Variants in LCORL observed in about 807,000 individuals in gnomAD.
The protein encoded by LCORL is ligand dependent nuclear receptor corepressor like.
A neutral mutation model predicts 141.8 loss-of-function variants in LCORL; 41 were observed. The ratio of observed to expected loss-of-function variants is 0.29; its 90% CI spans 0.23 to 0.38. LCORL has a LOEUF of 0.38. Ranked by LOEUF, LCORL falls within the 10% of genes least tolerant of loss-of-function variation. The pLI, the probability that LCORL is intolerant of heterozygous loss-of-function variation, is 1.00. For missense variants in LCORL, 1,759 were observed against 2,035.0 expected, an observed-to-expected ratio of 0.86 and a Z score of 2.61; for synonymous variants, 618 against 694.1, an observed-to-expected ratio of 0.89 and a Z score of 1.72.
chr4:17,906,862 T>A (rs768099311), intron 5 of LCORL, among the ~76,000 whole-genome samples: 27 of 152,092 alleles, frequency 1.8e-4, no homozygotes, highest in Admixed American at 3.9e-4. Flanking sequence ...AATTTTTGTA[T>A]TTTTAGTAGA....
chr4:17,987,694 T>G (rs748164061), intron 1 of LCORL, among the ~76,000 whole-genome samples: 10 of 152,220 alleles, frequency 6.6e-5, no homozygotes, highest in Non-Finnish European at 8.8e-5. Context: ...ATTATAGCCA[T>G]TCTAGTGGAT....
chr4:17,939,829 G>A (rs879550288), intron 4 of LCORL, among the ~76,000 whole-genome samples: 37 of 149,838 alleles, frequency 2.5e-4, no homozygotes, highest in Non-Finnish European at 4.9e-4. Context: ...GCCAGGAGAG[G>A]GGATGAAATC....
intron 5 of LCORL, among the ~76,000 whole-genome samples, chr4:17,899,709 G>A (rs567680784): frequency 1.4e-4 from 22 of 152,188 alleles, no homozygotes; most frequent in African/African-American, 5.1e-4. Flanking sequence ...TCTCTTTGGG[G>A]AGAGAATACT....
intron 4 of LCORL, among the ~76,000 whole-genome samples, chr4:17,941,848 T>A (rs551450477): frequency 8.5e-6 from 1 of 118,150 alleles, no homozygotes; most frequent in African/African-American, 3.3e-5. Context: ...TTTCCCATGA[T>A]AGAATTTTTT....
intron 4 of LCORL, chr4:17,911,794 A>G (rs1237946589): frequency 4.0e-5 from 18 of 452,556 alleles, no homozygotes; most frequent in Non-Finnish European, 5.1e-5. Context: ...AGGTGCCGGG[A>G]GCTCTGGTTC....
At chr4:17,890,230 C>T (rs556554254) in intron 5 of LCORL, among the ~76,000 whole-genome samples, 1 of 152,218 alleles carries the variant, frequency 6.6e-6, no homozygotes, top group South Asian at 2.1e-4. Flanking sequence ...TTATTTCCCA[C>T]ATCCTTGATA....
exon 7 of LCORL, chr4:17,876,567 T>C: frequency 9.7e-6 from 12 of 1,230,914 alleles, no homozygotes; most frequent in Non-Finnish European, 1.1e-5. Context: ...CACTGGATCG[T>C]TTTTTGTTGT....
chr4:17,943,085 C>T (rs1031667283), intron 4 of LCORL, among the ~76,000 whole-genome samples: 1 of 152,140 alleles, frequency 6.6e-6, no homozygotes, highest in African/African-American at 2.4e-5. Flanking sequence ...GAAACCTGTC[C>T]CTGGTGCCAA....
intron 4 of LCORL, among the ~76,000 whole-genome samples, chr4:17,960,522 G>C (rs1462028774): frequency 6.6e-6 from 1 of 152,088 alleles, no homozygotes; most frequent in Non-Finnish European, 1.5e-5. Flanking sequence ...ATTTCTTCCA[G>C]TTCTCTTAGT....
At chr4:17,963,550 T>C (rs888245381) in intron 2 of LCORL, among the ~76,000 whole-genome samples, 1 of 151,904 alleles carries the variant, frequency 6.6e-6, no homozygotes, top group African/African-American at 2.4e-5. Context: ...TCAGAACAGA[T>C]TTTTATTAAA....
chr4:17,912,384 C>T, intron 4 of LCORL: 1 of 647,966 alleles, frequency 1.5e-6, no homozygotes, highest in Non-Finnish European at 2.9e-6. Context: ...AGATTGCCAG[C>T]TCTAGGGTGA....
intron 5 of LCORL, among the ~76,000 whole-genome samples, chr4:17,897,463 T>G (rs1446970482): frequency 2.0e-5 from 3 of 151,894 alleles, no homozygotes; most frequent in Non-Finnish European, 2.9e-5. Flanking sequence ...TAGCCAACAT[T>G]CTTCAAGAAT....
intron 4 of LCORL, among the ~76,000 whole-genome samples, chr4:17,935,123 C>T (rs767819807): frequency 3.7e-4 from 56 of 152,022 alleles, no homozygotes; most frequent in Non-Finnish European, 6.9e-4. Context: ...TATATAGGGC[C>T]GCTTTGGTAG....
At chr4:17,927,346 C>G (rs1735307557) in intron 4 of LCORL, among the ~76,000 whole-genome samples, 1 of 152,214 alleles carries the variant, frequency 6.6e-6, no homozygotes, top group Non-Finnish European at 1.5e-5. Context: ...ACCACTCAAA[C>G]TTTCTCCCTA....
At chr4:17,852,432 T>A (rs6842303) in intron 7 of LCORL, among the ~76,000 whole-genome samples, 2 of 151,916 alleles carry the variant, frequency 1.3e-5, no homozygotes, top group African/African-American at 4.8e-5. Flanking sequence ...ATCTTACAGA[T>A]TTGTTGTGAC....
In LCORL at chr4:17,863,389, A is replaced by AAAATGCTC. The variant is rs370599909; in HGVS notation, c.5602+9991_5602+9998dup. Among the ~76,000 whole-genome samples, 365 of 152,350 alleles carry AAAATGCTC rather than the reference A, an allele frequency of 2.4e-3. 1 individual carries two copies. The highest frequency in any genetic ancestry group is 7.8e-3 in the African/African-American group (326 of 41,590). ...AGAAGACATTCACACAGCATATGAAAAAATGCTCAATATCACTAATCATTA... is the reference window on the plus strand; with the variant it reads ...AGAAGACATTCACACAGCATATGAAAAAATGCTCAAATGCTCAATATCACTAATCATTA... On this transcript the variant is annotated intron_variant, in intron 7 of 7. Transcript: ENST00000635767.
intron 1 of LCORL, among the ~76,000 whole-genome samples, chr4:17,991,830 C>G (rs1255376757): frequency 6.6e-6 from 1 of 152,030 alleles, no homozygotes; most frequent in African/African-American, 2.4e-5. Flanking sequence ...TTTCTAATAC[C>G]CGCTAATACC....
chr4:17,988,928 G>A (rs1245022769), intron 1 of LCORL, among the ~76,000 whole-genome samples: 1 of 152,206 alleles, frequency 6.6e-6, no homozygotes, highest in East Asian at 1.9e-4. Context: ...AGATTGCGGT[G>A]AGCCGAGATC....
At chr4:17,886,435 C>T (rs769748485) in intron 5 of LCORL, among the ~76,000 whole-genome samples, 1 of 151,968 alleles carries the variant, frequency 6.6e-6, no homozygotes, top group Non-Finnish European at 1.5e-5. Flanking sequence ...TTTTAGTCAC[C>T]TCTCCACCAT....
Sources: allele counts gnomAD v4.1 joint callset (sites outside exome capture counted in the v4.1 genomes callset), GRCh38; gene constraint gnomAD v4.1.1; transcripts MANE v1.5; gene names NCBI Gene and HGNC (gene_info 2026-07-23, HGNC 2026-07-21).